SWT1: variants seen among roughly 807,000 people sequenced by gnomAD.
The protein encoded by SWT1 is SWT1 RNA endoribonuclease homolog, also known as transcriptional protein SWT1.
A neutral mutation model predicts 107.3 loss-of-function variants in SWT1; 33 were observed. The observed-to-expected ratio is 0.31, with a 90% CI of 0.23 to 0.41. SWT1 has a LOEUF of 0.41. SWT1 is among the 10% of genes least tolerant of loss of function. The pLI, the probability that SWT1 is intolerant of heterozygous loss-of-function variation, is 1.00. For synonymous variants in SWT1, 345 were observed against 348.3 expected (o/e 0.99, Z 0.11); for missense variants, 898 against 1,028.9 (o/e 0.87, Z 1.74).
At chr1:185,177,249 A>G (rs1010411297) in intron 5 of SWT1, among the ~76,000 whole-genome samples, 5 of 152,222 alleles carry the variant, frequency 3.3e-5, no homozygotes, top group Admixed American at 3.3e-4. Context: ...TGAAGTTGCC[A>G]GTATGTTCAG....
intron 13 of SWT1, among the ~76,000 whole-genome samples, chr1:185,209,855 T>C (rs1348524374): frequency 6.6e-6 from 1 of 152,232 alleles, no homozygotes; most frequent in Non-Finnish European, 1.5e-5. Context: ...TGTAAAAGCA[T>C]TCCTATTTCT....
At chr1:185,247,681 C>T (rs995796753) in intron 16 of SWT1, among the ~76,000 whole-genome samples, 1 of 152,144 alleles carries the variant, frequency 6.6e-6, no homozygotes, top group Admixed American at 6.5e-5. Context: ...ATAAAGAAGG[C>T]TGAGTGCATT....
intron 16 of SWT1, chr1:185,264,459 G>T: frequency 1.0e-6 from 1 of 984,382 alleles, no homozygotes; most frequent in Non-Finnish European, 1.2e-6. Context: ...GTGATAATTT[G>T]TGGTGTTTTC....
chr1:185,164,353 G>A (rs1654402101), intron 2 of SWT1, among the ~76,000 whole-genome samples: 1 of 152,104 alleles, frequency 6.6e-6, no homozygotes. Context: ...GTAAGTATTG[G>A]CTTCAACTGA....
At chr1:185,182,352 A>G (rs1235896709) in intron 7 of SWT1, among the ~76,000 whole-genome samples, 1 of 152,162 alleles carries the variant, frequency 6.6e-6, no homozygotes, top group African/African-American at 2.4e-5. Flanking sequence ...AACAATTTCA[A>G]TGATGTAAAG....
intron 16 of SWT1, among the ~76,000 whole-genome samples, chr1:185,250,750 C>T (rs1411038098): frequency 1.3e-5 from 2 of 152,138 alleles, no homozygotes; most frequent in African/African-American, 2.4e-5. Flanking sequence ...GCAACCTCCA[C>T]CTCCCGGGTT....
chr1:185,195,541 A>G (rs926455730), intron 10 of SWT1, among the ~76,000 whole-genome samples: 7 of 152,118 alleles, frequency 4.6e-5, no homozygotes, highest in Middle Eastern at 3.2e-3. Context: ...GTCAAATGGT[A>G]TTTCTGGTTC....
chr1:185,242,515 T>C (rs569547578), intron 16 of SWT1, among the ~76,000 whole-genome samples: 1 of 152,258 alleles, frequency 6.6e-6, no homozygotes, highest in Non-Finnish European at 1.5e-5. Flanking sequence ...CTGATACTTA[T>C]ATCAGCGGAG....
chr1:185,282,917 A>G (rs896277078), intron 18 of SWT1, among the ~76,000 whole-genome samples: 2 of 152,190 alleles, frequency 1.3e-5, no homozygotes, highest in Non-Finnish European at 2.9e-5. Flanking sequence ...GGGGGTTCCC[A>G]TGACTCCCTC....
chr1:185,290,096 C>G (rs1486631354), intron 18 of SWT1, among the ~76,000 whole-genome samples: 3 of 151,130 alleles, frequency 2.0e-5, no homozygotes, highest in African/African-American at 7.3e-5. Flanking sequence ...GACCCTGTCT[C>G]TACCAAAAAA....
intron 18 of SWT1, among the ~76,000 whole-genome samples, chr1:185,289,214 A>G (rs1376610990): frequency 6.6e-6 from 1 of 152,248 alleles, no homozygotes; most frequent in Non-Finnish European, 1.5e-5. Context: ...AATTATGATT[A>G]GCACAAACAA....
chr1:185,290,043 T>C (rs1264835324), intron 18 of SWT1, among the ~76,000 whole-genome samples: 1 of 152,092 alleles, frequency 6.6e-6, no homozygotes, highest in African/African-American at 2.4e-5. Flanking sequence ...CATGGGAGAA[T>C]TGCTTGAGCC....
rs1027594857 is a variant in SWT1, at chr1:185,176,156, C to T, written c.966+1043C>T. Among the ~76,000 whole-genome samples the T allele has an allele frequency of 8.6e-5, 13 of 151,528 alleles. No individual in the cohort carries two copies. The East Asian group carries it at 2.3e-3, about 27-fold the overall frequency. On this transcript the variant is annotated intron_variant, in intron 5 of 18. Coordinates refer to ENST00000367500, the MANE Select transcript of SWT1 (RefSeq NM_017673.7). ...CATAAAAATTAGCTGGGTGTGGTGGCGTGAGTCTGTGGTCCCAGCTATTCA... is the reference window on the plus strand; with the variant it reads ...CATAAAAATTAGCTGGGTGTGGTGGTGTGAGTCTGTGGTCCCAGCTATTCA...
chr1:185,159,954 C>T (rs1653997915), intron 1 of SWT1, among the ~76,000 whole-genome samples: 1 of 152,094 alleles, frequency 6.6e-6, no homozygotes, highest in African/African-American at 2.4e-5. Flanking sequence ...GAACTCCTGA[C>T]CTCAGGTGAT....
chr1:185,219,306 A>G (rs751495874), intron 14 of SWT1, among the ~76,000 whole-genome samples: 49 of 152,168 alleles, frequency 3.2e-4, no homozygotes, highest in African/African-American at 1.2e-3. Context: ...TAACCTTTCT[A>G]TGCCTCAGTT....
Position 185,193,630 on chromosome 1 carries a change from A to G in SWT1, c.1523+2988A>G, listed in dbSNP as rs150010172. Among the ~76,000 whole-genome samples the G allele has an allele frequency of 5.9e-3, 893 of 151,812 alleles. 32 individuals carry two copies. In the East Asian group the frequency reaches 0.095, roughly 16 times the overall value. ...TACAGTTGCAGGCTGCCATGCCTGG[A>G]TAATTTTTGTATTTTTAGTAGAGAC... On this transcript the variant is annotated intron_variant, in intron 10 of 18. Transcript: ENST00000367500.
At position 185,257,555 on chromosome 1, in the gene SWT1, T is replaced by C. The variant is rs953115832; in HGVS notation, c.2442-13768T>C. ...AGTGACCCGATTTTCCAGGCGCGTC[T>C]GTCACCCCTTTCTTTGACTCGGAAA... On this transcript the variant is annotated intron_variant, in intron 16 of 18. Coordinates refer to ENST00000367500, the MANE Select transcript of SWT1 (RefSeq NM_017673.7). Among the ~76,000 whole-genome samples, 29 of 152,318 alleles carry C rather than the reference T, an allele frequency of 1.9e-4. No individual in the cohort carries two copies. The East Asian group carries it at 4.4e-3, about 23-fold the overall frequency.
chr1:185,180,208 G>A (rs183728435), intron 5 of SWT1, among the ~76,000 whole-genome samples, 183 bp from the exon 6 acceptor site: 1 of 152,228 alleles, frequency 6.6e-6, no homozygotes, highest in East Asian at 1.9e-4. Context: ...GGGAGTAGGG[G>A]TAGGTGGGTA....
intron 5 of SWT1, among the ~76,000 whole-genome samples, chr1:185,179,190 A>C (rs1487742760): frequency 2.0e-5 from 3 of 151,820 alleles, no homozygotes; most frequent in Non-Finnish European, 4.4e-5. Context: ...AATCGCTTGA[A>C]CCCGGGAGGT....
Sources: allele counts gnomAD v4.1 joint callset (sites outside exome capture counted in the v4.1 genomes callset), GRCh38; gene constraint gnomAD v4.1.1; transcripts MANE v1.5; gene names NCBI Gene and HGNC (gene_info 2026-07-23, HGNC 2026-07-21).